Variants in VTI1A observed in about 807,000 individuals in gnomAD.
VTI1A encodes the protein vesicle transport through interaction with t-SNAREs homolog 1A.
Under a neutral mutation model 34.9 loss-of-function variants are expected in VTI1A, and 22 were observed. The observed-to-expected ratio is 0.63, with a 90% CI of 0.45 to 0.90. VTI1A has a LOEUF of 0.90. Among genes scored for constraint, VTI1A ranks in the 40% least tolerant of loss-of-function variants. The probability of loss-of-function intolerance (pLI) is 0.00; values close to 1 mark genes in which losing one functional copy is unlikely to be tolerated. For missense variants in VTI1A, 268 were observed against 275.6 expected, an observed-to-expected ratio of 0.97 and a Z score of 0.20; for synonymous variants, 87 against 97.3, an observed-to-expected ratio of 0.89 and a Z score of 0.62.
At chr10:112,531,011 G>A (rs867518205) in intron 4 of VTI1A, among the ~76,000 whole-genome samples, 3 of 151,020 alleles carry the variant, frequency 2.0e-5, no homozygotes, top group African/African-American at 7.3e-5. Flanking sequence ...GACAGCAGTC[G>A]CGTTATCAGC....
At chr10:112,656,387 C>CT (rs71489977) in intron 5 of VTI1A, among the ~76,000 whole-genome samples, 11 of 133,004 alleles carry the variant, frequency 8.3e-5, no homozygotes, top group Non-Finnish European at 1.1e-4. Flanking sequence ...CTTCCCAAAC[C>CT]TTTTTTTTTT....
intron 5 of VTI1A, among the ~76,000 whole-genome samples, chr10:112,651,242 A>G (rs2133801315): frequency 6.6e-6 from 1 of 152,304 alleles, no homozygotes; most frequent in Non-Finnish European, 1.5e-5. Flanking sequence ...AATATGACAA[A>G]ATAGTTTATA....
intron 7 of VTI1A, among the ~76,000 whole-genome samples, chr10:112,733,324 A>G (rs751727162): frequency 1.4e-4 from 21 of 152,100 alleles, no homozygotes; most frequent in Non-Finnish European, 2.4e-4. Context: ...CCTCATGTCT[A>G]CCTAGTTCCA....
At chr10:112,737,695 A>G (rs1850541284) in intron 7 of VTI1A, 9 of 1,057,086 alleles carry the variant, frequency 8.5e-6, no homozygotes, top group Non-Finnish European at 1.0e-5. Context: ...ATGACTGTCA[A>G]GGTCACTGAG....
chr10:112,634,514 T>TACAC lies in VTI1A; in HGVS notation c.428-33673_428-33670dup, dbSNP rs10545562. ...ACACACACACAGACACACACACACA[T>TACAC]ACACACACACACACACACACACACA... On this transcript the variant is annotated intron_variant, in intron 5 of 7. Transcript: ENST00000393077. Among the ~76,000 whole-genome samples, 263 of 144,326 alleles carry TACAC rather than the reference T, an allele frequency of 1.8e-3. 10 individuals carry two copies. In the South Asian group the frequency reaches 0.031, roughly 17 times the overall value. The allele number at this position is 144,326 out of a possible 152,430, so 94.7% of individuals were successfully genotyped here. A position where few individuals can be genotyped will look rare whatever the true frequency, so the allele number is the denominator to read the frequency against.
chr10:112,736,315 T>C (rs867331395), intron 7 of VTI1A, among the ~76,000 whole-genome samples: 2 of 152,014 alleles, frequency 1.3e-5, no homozygotes, highest in African/African-American at 2.4e-5. Flanking sequence ...TATTGTGATA[T>C]ACCACCACTA....
chr10:112,511,805 G>A (rs989050070), intron 3 of VTI1A, among the ~76,000 whole-genome samples: 1 of 152,062 alleles, frequency 6.6e-6, no homozygotes, highest in Non-Finnish European at 1.5e-5. Context: ...ACATATAAGT[G>A]AGAACATGTA....
At chr10:112,566,380 C>T (rs531007590) in intron 5 of VTI1A, among the ~76,000 whole-genome samples, 22 of 152,258 alleles carry the variant, frequency 1.4e-4, no homozygotes, top group African/African-American at 5.3e-4. Flanking sequence ...AACATAAGCA[C>T]TTCTTAACTT....
At chr10:112,679,905 T>C (rs1438151048) in intron 7 of VTI1A, among the ~76,000 whole-genome samples, 2 of 152,186 alleles carry the variant, frequency 1.3e-5, no homozygotes, top group Non-Finnish European at 2.9e-5. Flanking sequence ...GTGGGCTTCA[T>C]GGAGTCTTGA....
chr10:112,538,761 T>C (rs1163316832), intron 5 of VTI1A: 2 of 153,368 alleles, frequency 1.3e-5, no homozygotes, highest in East Asian at 3.8e-4. Context: ...CCACTTTACT[T>C]TGCATATTTG....
chr10:112,801,811 G>GT (rs1293745645), intron 7 of VTI1A, among the ~76,000 whole-genome samples: 1 of 152,244 alleles, frequency 6.6e-6, no homozygotes, highest in Non-Finnish European at 1.5e-5. Flanking sequence ...AAAACAGGCA[G>GT]TGTGCCAGTG....
intron 5 of VTI1A, among the ~76,000 whole-genome samples, chr10:112,577,801 G>A (rs778007306): frequency 2.1e-4 from 32 of 152,188 alleles, no homozygotes; most frequent in Admixed American, 1.7e-3. Context: ...TCATATGTAC[G>A]TGGTTAAATC....
intron 5 of VTI1A, among the ~76,000 whole-genome samples, chr10:112,642,958 G>A (rs989893833): frequency 3.6e-4 from 51 of 141,652 alleles, no homozygotes; most frequent in Non-Finnish European, 6.1e-4. Context: ...ATCTGAGCAT[G>A]TTTTCTTTTT....
intron 7 of VTI1A, among the ~76,000 whole-genome samples, chr10:112,796,645 C>G (rs1248206934): frequency 2.6e-5 from 4 of 152,170 alleles, no homozygotes; most frequent in African/African-American, 4.8e-5. Context: ...GTGGGCAAGT[C>G]CTTGGAAGAA....
the VTI1A span, among the ~76,000 whole-genome samples, chr10:112,855,172 G>A: frequency 1.3e-5 from 2 of 152,160 alleles, no homozygotes; most frequent in African/African-American, 4.8e-5. Context: ...CCTACTTTGT[G>A]TTGAACTTCC....
At chr10:112,675,003 A>G (rs190682704) in intron 7 of VTI1A, among the ~76,000 whole-genome samples, 1 of 152,290 alleles carries the variant, frequency 6.6e-6, no homozygotes, top group East Asian at 1.9e-4. Flanking sequence ...ATTTCCTTAA[A>G]CTAGGTTCAT....
chr10:112,830,836 TATATATATATATA>T, the VTI1A span, among the ~76,000 whole-genome samples: 5 of 48,330 alleles, frequency 1.0e-4, 1 homozygote, highest in South Asian at 1.0e-3. Flanking sequence ...TATATATATA[TATATATATATATA>T]TTTTTTTTTT....
chr10:112,731,793 A>G (rs957860993), intron 7 of VTI1A, among the ~76,000 whole-genome samples: 3 of 152,094 alleles, frequency 2.0e-5, no homozygotes, highest in African/African-American at 4.8e-5. Flanking sequence ...TCTTTTTCCA[A>G]TTAGAGGATA....
At chr10:112,678,762 T>C (rs1848116211) in intron 7 of VTI1A, among the ~76,000 whole-genome samples, 1 of 152,220 alleles carries the variant, frequency 6.6e-6, no homozygotes, top group Admixed American at 6.5e-5. Flanking sequence ...AGCTAGCTGC[T>C]ACCCAGATCA....
Sources: gnomAD v4.1 joint callset for allele counts (sites outside exome capture counted in the v4.1 genomes callset) on GRCh38, gnomAD v4.1.1 for gene constraint, MANE v1.5 for transcripts, NCBI Gene and HGNC (gene_info 2026-07-23, HGNC 2026-07-21) for gene names.